Variants in GALNTL6 observed in about 807,000 individuals in gnomAD.
The protein encoded by GALNTL6 is polypeptide N-acetylgalactosaminyltransferase-like 6.
Under a neutral mutation model 73.7 loss-of-function variants are expected in GALNTL6, and 46 were observed. The observed-to-expected ratio is 0.62, with a 90% confidence interval of 0.49 to 0.80. GALNTL6 has a LOEUF of 0.80. Among genes scored for constraint, GALNTL6 ranks in the 30% least tolerant of loss-of-function variants. The probability of loss-of-function intolerance (pLI) is 0.00; values close to 1 mark genes in which losing one functional copy is unlikely to be tolerated. For synonymous variants in GALNTL6, 259 were observed against 263.7 expected (o/e 0.98, Z 0.17); for missense variants, 604 against 755.0 (o/e 0.80, Z 2.34).
intron 2 of GALNTL6, among the ~76,000 whole-genome samples, chr4:172,054,256 C>T (rs1341244967): frequency 6.6e-6 from 1 of 152,188 alleles, no homozygotes; most frequent in South Asian, 2.1e-4. Context: ...TTATCACAAA[C>T]ATATTTTTAT....
chr4:172,171,958 G>C (rs1734845039), intron 2 of GALNTL6, among the ~76,000 whole-genome samples: 1 of 152,194 alleles, frequency 6.6e-6, no homozygotes, highest in African/African-American at 2.4e-5. Flanking sequence ...GGTGGTATCA[G>C]ATATTCTGGC....
chr4:171,941,651 TG>T (rs2111014134), intron 2 of GALNTL6, among the ~76,000 whole-genome samples: 1 of 152,144 alleles, frequency 6.6e-6, no homozygotes, highest in African/African-American at 2.4e-5. Context: ...TGCTGTAGCT[TG>T]GCAGGTTTTC....
chr4:172,791,000 G>A (rs1004660689), intron 5 of GALNTL6, among the ~76,000 whole-genome samples: 1 of 152,018 alleles, frequency 6.6e-6, no homozygotes, highest in Admixed American at 6.6e-5. Flanking sequence ...GAGAGAATAG[G>A]GGATCAAGGA....
rs575982505 is a variant in GALNTL6, at chr4:171,965,966, T to C, written c.138+151248T>C. 2.6e-4 allele frequency among the ~76,000 whole-genome samples: 40 copies of C among 152,360 alleles called. 1 individual carries two copies. The highest frequency in any genetic ancestry group is 7.5e-4 in the African/African-American group (31 of 41,580). Reference sequence around the variant, plus strand: ...TTTTTCTTATTGGTCAGAACTATTGTAAGCTTGCTTTTAAAAAGCAATCTT... The same window carrying C: ...TTTTTCTTATTGGTCAGAACTATTGCAAGCTTGCTTTTAAAAAGCAATCTT... On this transcript the variant is annotated intron_variant, in intron 2 of 12. Coordinates refer to ENST00000506823, the MANE Select transcript of GALNTL6 (RefSeq NM_001034845.3).
chr4:172,983,055 G>T (rs1195706260), intron 10 of GALNTL6, among the ~76,000 whole-genome samples: 4 of 152,138 alleles, frequency 2.6e-5, no homozygotes, highest in African/African-American at 9.7e-5. Context: ...CTGGGCAATG[G>T]ATTCCCTAAA....
At chr4:171,947,278 T>A (rs573939496) in intron 2 of GALNTL6, among the ~76,000 whole-genome samples, 55 of 152,192 alleles carry the variant, frequency 3.6e-4, no homozygotes, top group African/African-American at 1.2e-3. Flanking sequence ...AAATTTCACG[T>A]CTACTCCAAA....
chr4:172,669,919 A>G (rs879475060), intron 5 of GALNTL6, among the ~76,000 whole-genome samples: 2 of 152,018 alleles, frequency 1.3e-5, no homozygotes, highest in Non-Finnish European at 2.9e-5. Context: ...AGCATGTGGT[A>G]TTTGGTTTTC....
At chr4:172,957,707 A>G (rs972832246) in intron 10 of GALNTL6, among the ~76,000 whole-genome samples, 9 of 152,298 alleles carry the variant, frequency 5.9e-5, no homozygotes, top group Middle Eastern at 3.4e-3. Flanking sequence ...GGTGCAGGAT[A>G]TGGAAGGCAT....
At chr4:172,916,387 TTC>T (rs1419373427) in intron 8 of GALNTL6, among the ~76,000 whole-genome samples, 1 of 152,192 alleles carries the variant, frequency 6.6e-6, no homozygotes, top group Non-Finnish European at 1.5e-5. Flanking sequence ...GTGTTGGAAT[TTC>T]TGGCCAGGGC....
chr4:172,887,710 C>T (rs1350263392), intron 8 of GALNTL6, among the ~76,000 whole-genome samples: 7 of 151,988 alleles, frequency 4.6e-5, no homozygotes, highest in Admixed American at 2.6e-4. Context: ...ACTACAGGCA[C>T]CTGCCACCAT....
At chr4:172,500,660 G>A (rs1414960510) in intron 5 of GALNTL6, among the ~76,000 whole-genome samples, 2 of 151,396 alleles carry the variant, frequency 1.3e-5, no homozygotes, top group Admixed American at 1.3e-4. Context: ...TACCATTACA[G>A]AGCAGCTTAA....
rs563538703 is a variant in GALNTL6 at position 172,081,116 on chromosome 4, C to A, written c.139-148540C>A. ...CAAGTGCATGAATATATAGAGGCAA[C>A]AGTTACTTGAGAAAAAATAGATATA... On this transcript the variant is annotated intron_variant, in intron 2 of 12. Transcript: ENST00000506823. 4.5e-3 allele frequency among the ~76,000 whole-genome samples: 684 copies of A among 152,196 alleles called. 5 individuals carry two copies. Among genetic ancestry groups the A allele is most frequent in the Middle Eastern group, 0.01 (3 of 294 alleles).
At chr4:171,925,885 T>C (rs1351757932) in intron 2 of GALNTL6, among the ~76,000 whole-genome samples, 4 of 152,086 alleles carry the variant, frequency 2.6e-5, no homozygotes, top group African/African-American at 9.6e-5. Flanking sequence ...AATATAAAAG[T>C]ACTTCTTATA....
At chr4:172,113,879 C>G (rs970256546) in intron 2 of GALNTL6, among the ~76,000 whole-genome samples, 1 of 151,930 alleles carries the variant, frequency 6.6e-6, no homozygotes, top group African/African-American at 2.4e-5. Flanking sequence ...TGTTAAATGT[C>G]GAACTTTTTA....
rs1464261976 is a variant in GALNTL6 at position 172,087,585 on chromosome 4, T to C, written c.139-142071T>C. On this transcript the variant is annotated intron_variant, in intron 2 of 12. Transcript: ENST00000506823. ...CGAAAGCAAGGTGCAGAAAAGCATA[T>C]GTAGTATGTCACCATTATGAGGAAA... Among the ~76,000 whole-genome samples, 4 of 152,190 alleles carry C rather than the reference T, an allele frequency of 2.6e-5. No individual in the cohort carries two copies. In the East Asian group the frequency reaches 7.7e-4, roughly 29 times the overall value.
At chr4:171,917,836 G>T (rs1038162205) in intron 2 of GALNTL6, among the ~76,000 whole-genome samples, 5 of 152,024 alleles carry the variant, frequency 3.3e-5, no homozygotes, top group Non-Finnish European at 7.4e-5. Flanking sequence ...ATATACTAAT[G>T]ACATTATATC....
At chr4:171,900,030 T>C (rs1250876339) in intron 2 of GALNTL6, among the ~76,000 whole-genome samples, 5 of 152,150 alleles carry the variant, frequency 3.3e-5, no homozygotes, top group African/African-American at 1.2e-4. Flanking sequence ...ATCAAATATT[T>C]ATATGATCTT....
At chr4:172,780,669 G>C (rs144176502) in intron 5 of GALNTL6, among the ~76,000 whole-genome samples, 1 of 152,140 alleles carries the variant, frequency 6.6e-6, no homozygotes, top group Non-Finnish European at 1.5e-5. Flanking sequence ...GGAAATATCT[G>C]TTTCATTCAT....
At chr4:172,758,684 A>G (rs1487462900) in intron 5 of GALNTL6, among the ~76,000 whole-genome samples, 2 of 152,252 alleles carry the variant, frequency 1.3e-5, no homozygotes, top group Non-Finnish European at 2.9e-5. Flanking sequence ...TAAACAATTC[A>G]TAAGTTTTAA....
Sources: gnomAD v4.1 joint callset for allele counts (sites outside exome capture counted in the v4.1 genomes callset) on GRCh38, gnomAD v4.1.1 for gene constraint, MANE v1.5 for transcripts, NCBI Gene and HGNC (gene_info 2026-07-23, HGNC 2026-07-21) for gene names.